PNPLA3: variants seen among roughly 807,000 people sequenced by gnomAD.
PNPLA3 encodes 1-acylglycerol-3-phosphate O-acyltransferase PNPLA3.
Under a neutral mutation model 43.1 loss-of-function variants are expected in PNPLA3, and 42 were observed. The ratio of observed to expected loss-of-function variants is 0.97; its 90% CI spans 0.76 to 1.26. The LOEUF is 1.26. Among genes scored for constraint, PNPLA3 ranks in the 50% most tolerant of loss-of-function variants. The pLI is 0.00. For synonymous variants in PNPLA3, 272 were observed against 253.6 expected, an observed-to-expected ratio of 1.07 and a Z score of -0.69; for missense variants, 647 against 621.4, an observed-to-expected ratio of 1.04 and a Z score of -0.44.
chr22:43,937,309 G>A, intron 6 of PNPLA3, 37 bp downstream of exon 6: 1 of 1,586,484 alleles, frequency 6.3e-7, no homozygotes, highest in Non-Finnish European at 8.6e-7. Flanking sequence ...GCAGCACCTT[G>A]TTTTCTTTCT....
Position 43,934,666 on chromosome 22 carries a change from G to A in PNPLA3, c.757G>A (p.Gly253Ser). The A allele has an allele frequency of 6.2e-7, 1 of 1,610,502 alleles. No individual in the cohort carries two copies. ...TGCATTCAGGTTCTTGGAAGAGAAG[G>A]GTATGTATGGGCTGGGAGGATCAGC... Reference protein sequence around the residue: ...LDAFRFLEEKGICNRPQPGLK... With the variant: ...LDAFRFLEEKSICNRPQPGLK... The change falls in exon 5 of 9, where the codon GGC (glycine) becomes AGC (serine). Residue 253 changes from glycine to serine, a missense_variant and splice_region_variant. By Grantham distance (56) the Gly-to-Ser change is moderately conservative (BLOSUM62 0). Coordinates refer to ENST00000216180, the MANE Select transcript of PNPLA3 (RefSeq NM_025225.3).
chr22:43,932,958 G>A lies in PNPLA3; in HGVS notation c.567G>A (p.Gly189=), dbSNP rs1489682707. The A allele has an allele frequency of 6.2e-6, 10 of 1,614,146 alleles. No individual in the cohort carries two copies. The highest frequency in any genetic ancestry group is 1.7e-5 in the Admixed American group (1 of 60,024). ...KTTITVSPFY[G]EYDICPKVKS... The stretch of plus-strand genomic sequence containing the variant: ...CCATCACCGTGTCCCCCTTCTATGG[G>A]GAGTACGACATCTGCCCTAAAGTCA... The change falls in exon 4 of 9, where the codon GGG becomes GGA. Residue 189 remains glycine (G), a synonymous_variant. Coordinates refer to ENST00000216180, the MANE Select transcript of PNPLA3 (RefSeq NM_025225.3).
At position 43,946,755 on chromosome 22, in the gene PNPLA3, A is replaced by G; in HGVS notation, c.*373A>G. The G allele has an allele frequency of 3.8e-6, 2 of 528,280 alleles. No individual in the cohort carries two copies. Among genetic ancestry groups the G allele is most frequent in the South Asian group, 1.4e-5 (1 of 71,574 alleles). The allele number at this position is 528,280 out of a possible 1,614,324, so 32.7% of individuals were successfully genotyped here. A position where few individuals can be genotyped will look rare whatever the true frequency, so the allele number is the denominator to read the frequency against. ...CTTGTGATGGGGGGTAGGCTGGCCC[A>G]TGTGTGATCTTGTGGGGTGGAGGGA... On this transcript the variant is annotated 3_prime_UTR_variant, in exon 9 of 9. Coordinates refer to ENST00000216180, the MANE Select transcript of PNPLA3 (RefSeq NM_025225.3).
chr22:43,924,359 C>T (rs930770078), intron 1 of PNPLA3: 17 of 467,870 alleles, frequency 3.6e-5, no homozygotes, highest in African/African-American at 3.5e-4. Flanking sequence ...CTACCCCCAT[C>T]AGGCGCCCGT....
chr22:43,927,916 T>G (rs969858316), intron 2 of PNPLA3, among the ~76,000 whole-genome samples: 2 of 152,218 alleles, frequency 1.3e-5, no homozygotes, highest in African/African-American at 4.8e-5. Context: ...ACTTGGCTCA[T>G]GACCGTCCAG....
chr22:43,940,750 A>G (rs1055097840), intron 7 of PNPLA3, among the ~76,000 whole-genome samples: 2 of 152,156 alleles, frequency 1.3e-5, no homozygotes, highest in African/African-American at 4.8e-5. Context: ...CAGAGGTTGT[A>G]GTGAGCCAAG....
chr22:43,944,984 C>T (rs2050053684), intron 8 of PNPLA3, among the ~76,000 whole-genome samples, 189 bp downstream of exon 8: 1 of 152,180 alleles, frequency 6.6e-6, no homozygotes, highest in Non-Finnish European at 1.5e-5. Flanking sequence ...AGAGCTGCCA[C>T]CCAGGCCAAC....
intron 7 of PNPLA3, among the ~76,000 whole-genome samples, chr22:43,944,014 C>T (rs1311659810): frequency 6.6e-6 from 1 of 152,128 alleles, no homozygotes; most frequent in African/African-American, 2.4e-5. Flanking sequence ...TCTCAAACTC[C>T]TGACCTCCTG....
In PNPLA3 at chr22:43,944,721, C is replaced by T. The variant is rs768289724; in HGVS notation, c.1143C>T (p.Asp381=). Residue 381 remains aspartate, a synonymous_variant, in exon 8 of 9, where the codon GAC becomes GAT. Coordinates refer to ENST00000216180, the MANE Select transcript of PNPLA3 (RefSeq NM_025225.3). ...RLVTWLPDMP[D]DVLWLQWVTS... is the part of the protein sequence containing the mutation. Reference sequence around the variant, plus strand: ...TGACATGGCTTCCAGATATGCCCGACGATGTCCTGTGGTTGCAGTGGGTGA... The same window carrying T: ...TGACATGGCTTCCAGATATGCCCGATGATGTCCTGTGGTTGCAGTGGGTGA... The T allele has an allele frequency of 1.5e-5, 25 of 1,614,186 alleles. No individual in the cohort carries two copies. Among genetic ancestry groups the T allele is most frequent in the African/African-American group, 4.0e-5 (3 of 75,040 alleles).
intron 3 of PNPLA3, among the ~76,000 whole-genome samples, chr22:43,929,620 G>A (rs1455794111): frequency 2.3e-5 from 3 of 131,446 alleles, no homozygotes; most frequent in African/African-American, 8.9e-5. Flanking sequence ...TTTTTGAGAT[G>A]GAGTCTGGCT....
intron 7 of PNPLA3, among the ~76,000 whole-genome samples, chr22:43,943,934 A>G (rs2050046700): frequency 6.6e-6 from 1 of 151,970 alleles, no homozygotes; most frequent in African/African-American, 2.4e-5. Context: ...GATTACAGGC[A>G]TGTGCCACCA....
chr22:43,928,731 T>C, intron 2 of PNPLA3, 93 bp from the exon 3 acceptor site: 1 of 1,211,782 alleles, frequency 8.3e-7, no homozygotes. Flanking sequence ...TTTTCAAGTT[T>C]GTTGCCCTGC....
chr22:43,924,119 C>T (rs764418958), intron 1 of PNPLA3, 21 bp downstream of exon 1: 7 of 1,512,398 alleles, frequency 4.6e-6, no homozygotes, highest in African/African-American at 4.3e-5. Flanking sequence ...GGACGCTGCC[C>T]GGGCTCCACG....
In PNPLA3 at chr22:43,939,896, A is replaced by G; in HGVS notation, c.980-97A>G. Reference sequence around the variant, plus strand: ...TGCCTCTGACCCTTTGGCTGCCAGGACGGGCGTATTTTATGGAAATGCTAA... The same window carrying G: ...TGCCTCTGACCCTTTGGCTGCCAGGGCGGGCGTATTTTATGGAAATGCTAA... On this transcript the variant is annotated intron_variant, in intron 6 of 8. Transcript: ENST00000216180. 7.0e-6 allele frequency: 11 copies of G among 1,561,120 alleles called. No individual in the cohort carries two copies. The South Asian group carries it at 1.1e-4, about 16-fold the overall frequency.
intron 6 of PNPLA3, 108 bp downstream of exon 6, chr22:43,937,380 C>T (rs1031644000): frequency 5.9e-6 from 6 of 1,025,552 alleles, no homozygotes; most frequent in African/African-American, 4.7e-5. Context: ...GCAACCATGA[C>T]AGGTGGTTGG....
chr22:43,924,180 C>T (rs2049906028), intron 1 of PNPLA3, 82 bp downstream of exon 1: 3 of 1,347,234 alleles, frequency 2.2e-6, no homozygotes, highest in South Asian at 1.7e-5. Flanking sequence ...CCAGGGGTCG[C>T]GGGGCCCTGG....
intron 5 of PNPLA3, 106 bp downstream of exon 5, chr22:43,934,772 G>A (rs1364602747): frequency 2.0e-5 from 21 of 1,053,906 alleles, no homozygotes; most frequent in African/African-American, 6.3e-5. Context: ...AGTGCCCAAC[G>A]CCTTCCTTGT....
chr22:43,924,465 C>T (rs2049908523), intron 1 of PNPLA3: 1 of 224,410 alleles, frequency 4.5e-6, no homozygotes, highest in East Asian at 1.0e-4. Context: ...GTAGTGCTGG[C>T]CCCTGCGGAC....
intron 6 of PNPLA3, among the ~76,000 whole-genome samples, chr22:43,938,226 C>A (rs906352145): frequency 6.6e-6 from 1 of 152,196 alleles, no homozygotes; most frequent in African/African-American, 2.4e-5. Flanking sequence ...GAAGAACCCA[C>A]AAACCAGCTA....
Sources: gnomAD v4.1 joint callset for allele counts (sites outside exome capture counted in the v4.1 genomes callset) on GRCh38, gnomAD v4.1.1 for gene constraint, MANE v1.5 for transcripts, NCBI Gene and HGNC (gene_info 2026-07-23, HGNC 2026-07-21) for gene names.